The following IQGAP1 variants were observed in gnomAD, a reference collection of about 807,000 sequenced individuals.
IQGAP1 encodes the protein IQ motif containing GTPase activating protein 1.
Under a neutral mutation model 215.6 loss-of-function variants are expected in IQGAP1, and 66 were observed. The ratio of observed to expected loss-of-function variants is 0.31; its 90% CI spans 0.25 to 0.38. The LOEUF (loss-of-function observed/expected upper bound fraction) is 0.38. Ranked by LOEUF, IQGAP1 falls within the 10% of genes least tolerant of loss-of-function variation. The probability of loss-of-function intolerance (pLI) is 1.00; values close to 1 mark genes in which losing one functional copy is unlikely to be tolerated. For missense variants in IQGAP1, 1,712 were observed against 1,997.1 expected, an observed-to-expected ratio of 0.86 and a Z score of 2.72; for synonymous variants, 772 against 728.7, an observed-to-expected ratio of 1.06 and a Z score of -0.96.
chr15:90,422,659 T>A (rs899342972), intron 2 of IQGAP1, among the ~76,000 whole-genome samples: 1 of 66,386 alleles, frequency 1.5e-5, no homozygotes, highest in South Asian at 6.3e-4. Context: ...TATATATATA[T>A]GTATATATAT....
chr15:90,401,296 A>G (rs1231713890), intron 2 of IQGAP1, among the ~76,000 whole-genome samples: 1 of 152,202 alleles, frequency 6.6e-6, no homozygotes, highest in Non-Finnish European at 1.5e-5. Context: ...TTTGAAGAGT[A>G]AGAGTTTACT....
At chr15:90,490,079 G>T (rs1262569615) in intron 33 of IQGAP1, among the ~76,000 whole-genome samples, 1 of 152,192 alleles carries the variant, frequency 6.6e-6, no homozygotes, top group African/African-American at 2.4e-5. Flanking sequence ...GGACTATTGG[G>T]AAAGGGAATT....
rs984643511 is a variant in IQGAP1 at position 90,502,131 on chromosome 15, G to C, written c.*2023G>C. 6.6e-6 allele frequency: 1 copy of C among 152,638 alleles called. No individual in the cohort carries two copies. Among genetic ancestry groups the C allele is most frequent in the African/African-American group, 2.4e-5 (1 of 41,446 alleles). 9.5% of individuals were successfully genotyped at this position (152,638 alleles called of 1,614,324 possible). On this transcript the variant is annotated 3_prime_UTR_variant, in exon 38 of 38. Coordinates refer to ENST00000268182, the MANE Select transcript of IQGAP1 (RefSeq NM_003870.4). ...GACCTTCTCCTCGACCAGCCATCAT[G>C]ACATTTACCATGAATTTACTTCCTC...
rs1966334464 is a variant in IQGAP1, at chr15:90,501,076, A to G, written c.*968A>G. ...GCATCAAAAGCCTTAGAATAAGAAA[A>G]GCTTTTTTTAAATTGCTTTATCTGT... On this transcript the variant is annotated 3_prime_UTR_variant, in exon 38 of 38. Coordinates refer to ENST00000268182, the MANE Select transcript of IQGAP1 (RefSeq NM_003870.4). 6.6e-6 allele frequency: 1 copy of G among 152,662 alleles called. No individual in the cohort carries two copies. The highest frequency in any genetic ancestry group is 2.1e-4 in the South Asian group (1 of 4,834). 9.5% of individuals were successfully genotyped at this position (152,662 alleles called of 1,614,324 possible).
At chr15:90,488,234 A>T (rs1040068076) in intron 33 of IQGAP1, among the ~76,000 whole-genome samples, 15 of 141,756 alleles carry the variant, frequency 1.1e-4, no homozygotes, top group Non-Finnish European at 2.0e-4. Flanking sequence ...AAATAATAAT[A>T]AATAAATAAA....
chr15:90,447,991 G>A (rs1455137107), intron 9 of IQGAP1, among the ~76,000 whole-genome samples: 1 of 152,124 alleles, frequency 6.6e-6, no homozygotes, highest in Non-Finnish European at 1.5e-5. Flanking sequence ...GGTGGAGTGT[G>A]TTCAGGAAGT....
At chr15:90,394,698 G>T in intron 2 of IQGAP1, among the ~76,000 whole-genome samples, 1 of 152,252 alleles carries the variant, frequency 6.6e-6, no homozygotes. Flanking sequence ...AGTTGGAGGA[G>T]CCCCAATATC....
chr15:90,414,389 C>T (rs974141501), intron 2 of IQGAP1, among the ~76,000 whole-genome samples: 1 of 152,030 alleles, frequency 6.6e-6, no homozygotes, highest in Admixed American at 6.6e-5. Context: ...CCTCTCCTTC[C>T]TACTTTTAGT....
chr15:90,449,535 C>T lies in IQGAP1; in HGVS notation c.1078-24C>T, dbSNP rs1965571678. 10 of 1,593,014 alleles carry T rather than the reference C, an allele frequency of 6.3e-6. No individual in the cohort carries two copies. The East Asian group carries it at 2.0e-4, about 32-fold the overall frequency. ...GAGTCATAGGAATGAGTAATCTTTA[C>T]ATAATTTTCTTTGCTTTGCTCAGAG... On this transcript the variant is annotated intron_variant, in intron 10 of 37. Coordinates refer to ENST00000268182, the MANE Select transcript of IQGAP1 (RefSeq NM_003870.4).
intron 15 of IQGAP1, among the ~76,000 whole-genome samples, chr15:90,461,725 G>GTACAGGAGTGCCTCCTC (rs1965764216): frequency 6.6e-6 from 1 of 152,140 alleles, no homozygotes; most frequent in Non-Finnish European, 1.5e-5. Flanking sequence ...TACTCAGGAG[G>GTACAGGAGTGCCTCCTC]CTGAGGCAGG....
chr15:90,427,679 A>G (rs1965243695), intron 3 of IQGAP1, among the ~76,000 whole-genome samples: 1 of 151,990 alleles, frequency 6.6e-6, no homozygotes, highest in Non-Finnish European at 1.5e-5. Flanking sequence ...GGCGGGGGTT[A>G]CAGTGAGCTG....
At chr15:90,448,550 A>T (rs766284941) in intron 9 of IQGAP1, 23 bp from the exon 10 acceptor site, 15 of 1,550,426 alleles carry the variant, frequency 9.7e-6, no homozygotes, top group Non-Finnish European at 8.7e-7. Flanking sequence ...GTCCTTTCAC[A>T]AGCTTTTGCC....
At chr15:90,473,188 GT>G in intron 19 of IQGAP1, 178 bp downstream of exon 19, 2 of 586,714 alleles carry the variant, frequency 3.4e-6, no homozygotes, top group South Asian at 4.3e-5. Flanking sequence ...GCCTACAGGT[GT>G]TTAATGCTGG....
chr15:90,458,902 A>G (rs1200995288), intron 15 of IQGAP1, among the ~76,000 whole-genome samples: 1 of 152,202 alleles, frequency 6.6e-6, no homozygotes, highest in Non-Finnish European at 1.5e-5. Flanking sequence ...GGTAATGTCA[A>G]CTACTGCCAT....
chr15:90,493,087 A>T (rs916363253), intron 35 of IQGAP1, among the ~76,000 whole-genome samples: 1 of 152,112 alleles, frequency 6.6e-6, no homozygotes, highest in Non-Finnish European at 1.5e-5. Context: ...TACTAAAAAT[A>T]TACAAATTAG....
intron 33 of IQGAP1, among the ~76,000 whole-genome samples, chr15:90,489,749 A>T (rs1260446754): frequency 6.6e-6 from 1 of 152,248 alleles, no homozygotes; most frequent in Non-Finnish European, 1.5e-5. Flanking sequence ...GCAAGTAAGG[A>T]CATGTAAACC....
intron 34 of IQGAP1, 74 bp downstream of exon 34, chr15:90,491,619 C>A: frequency 1.7e-6 from 2 of 1,152,956 alleles, no homozygotes; most frequent in Non-Finnish European, 2.6e-6. Context: ...TAGCTGTTCA[C>A]ATAACAGCAT....
chr15:90,399,545 G>GT (rs1177532906), intron 2 of IQGAP1, among the ~76,000 whole-genome samples: 1 of 152,032 alleles, frequency 6.6e-6, no homozygotes, highest in African/African-American at 2.4e-5. Context: ...CTTCATTGTA[G>GT]TTTTAAATTT....
intron 33 of IQGAP1, among the ~76,000 whole-genome samples, chr15:90,488,230 T>TGATAAATAAATA (rs1966155245): frequency 6.8e-6 from 1 of 147,620 alleles, no homozygotes; most frequent in African/African-American, 2.5e-5. Context: ...CAAAAAATAA[T>TGATAAATAAATA]AATAAATAAA....
Sources: gnomAD v4.1 joint callset for allele counts (sites outside exome capture counted in the v4.1 genomes callset) on GRCh38, gnomAD v4.1.1 for gene constraint, MANE v1.5 for transcripts, NCBI Gene and HGNC (gene_info 2026-07-23, HGNC 2026-07-21) for gene names.